The following PRDM16 variants were observed in gnomAD, a reference collection of about 807,000 sequenced individuals.
PRDM16 encodes the protein histone-lysine N-methyltransferase PRDM16.
A neutral mutation model predicts 110.6 loss-of-function variants in PRDM16; 23 were observed. The observed-to-expected ratio is 0.21, with a 90% CI of 0.15 to 0.29. PRDM16 has a LOEUF of 0.29. Ranked by LOEUF, PRDM16 falls within the 10% of genes least tolerant of loss-of-function variation. PRDM16 has a pLI of 1.00. For synonymous variants in PRDM16, 799 were observed against 781.8 expected, an observed-to-expected ratio of 1.02 and a Z score of -0.37; for missense variants, 1,615 against 1,794.3, an observed-to-expected ratio of 0.90 and a Z score of 1.81.
At chr1:3,200,400 T>C (rs921085595) in intron 2 of PRDM16, among the ~76,000 whole-genome samples, 8 of 152,276 alleles carry the variant, frequency 5.3e-5, no homozygotes, top group Middle Eastern at 3.4e-3. Context: ...TGGAGTGCAA[T>C]GGTGCTATCT....
rs142654920 is a variant in PRDM16 at position 3,252,760 on chromosome 1, C to T, written c.438+8623C>T. ...GACTGTGATCCCACAGCTGCGTGGA[C>T]CGTGGGGGTCCCAGCTGGGACCACT... On this transcript the variant is annotated intron_variant, in intron 3 of 16. Coordinates refer to ENST00000270722, the MANE Select transcript of PRDM16 (RefSeq NM_022114.4). Among the ~76,000 whole-genome samples, 27 of 152,238 alleles carry T rather than the reference C, an allele frequency of 1.8e-4. No individual in the cohort carries two copies. In the East Asian group the frequency reaches 5.2e-3, roughly 29 times the overall value.
rs548235122 is a variant in PRDM16, at chr1:3,124,468, T to C, written c.37+55172T>C. On this transcript the variant is annotated intron_variant, in intron 1 of 16. Coordinates refer to ENST00000270722, the MANE Select transcript of PRDM16 (RefSeq NM_022114.4). ...TGACCCACTGTCCAGGAACTGATCA[T>C]GGACAGGACAGAGGTGACAGCCCCA... is the stretch of plus-strand genomic sequence containing the variant. Among the ~76,000 whole-genome samples, 359 of 152,294 alleles carry C rather than the reference T, an allele frequency of 2.4e-3. 2 individuals are homozygous for C. The highest frequency in any genetic ancestry group is 8.2e-3 in the African/African-American group (340 of 41,564).
intron 12 of PRDM16, among the ~76,000 whole-genome samples, chr1:3,420,214 C>T (rs566898406): frequency 1.7e-4 from 26 of 152,310 alleles, no homozygotes; most frequent in African/African-American, 6.0e-4. Flanking sequence ...CTTTATCTGG[C>T]TCAAGGCAGG....
At chr1:3,389,582 A>G (rs963047095) in intron 4 of PRDM16, among the ~76,000 whole-genome samples, 2 of 152,192 alleles carry the variant, frequency 1.3e-5, no homozygotes, top group Non-Finnish European at 2.9e-5. Context: ...CAGAGGCCAC[A>G]TTGGGCCATG....
rs760220742 is a variant in PRDM16 at position 3,081,140 on chromosome 1, G to A, written c.37+11844G>A. 2.0e-5 allele frequency among the ~76,000 whole-genome samples: 3 copies of A among 152,176 alleles called. No homozygotes were observed. Among genetic ancestry groups the A allele is most frequent in the Non-Finnish European group, 4.4e-5 (3 of 68,036 alleles). On this transcript the variant is annotated intron_variant, in intron 1 of 16. Coordinates refer to ENST00000270722, the MANE Select transcript of PRDM16 (RefSeq NM_022114.4). The surrounding 1 kb of genome is among the most constrained non-coding windows in gnomAD (Gnocchi z 4.6). ...CCGGAGTCTTAACTTTCCCTCCGTC[G>A]AAGGTGTTAGTCTTACCTTCCCGAG... is the stretch of plus-strand genomic sequence containing the variant.
At chr1:3,152,298 C>T (rs1569700722) in intron 1 of PRDM16, among the ~76,000 whole-genome samples, 1 of 151,986 alleles carries the variant, frequency 6.6e-6, no homozygotes, top group East Asian at 1.9e-4. Flanking sequence ...CCATTTATCC[C>T]TCCTTTCATC....
At chr1:3,397,528 C>A (rs1036829433) in intron 5 of PRDM16, among the ~76,000 whole-genome samples, 8 of 152,268 alleles carry the variant, frequency 5.3e-5, no homozygotes, top group African/African-American at 1.9e-4. Context: ...GCAGTGAGGC[C>A]CTGGCCCGTC....
intron 7 of PRDM16, 77 bp from the exon 8 acceptor site, chr1:3,405,418 C>T (rs891992060): frequency 3.0e-5 from 44 of 1,449,208 alleles, no homozygotes; most frequent in Non-Finnish European, 3.8e-5. Flanking sequence ...CCCCCACAGC[C>T]GGTTGGTCCG....
chr1:3,074,853 G>C (rs2100554275), intron 1 of PRDM16, among the ~76,000 whole-genome samples: 1 of 152,356 alleles, frequency 6.6e-6, no homozygotes, highest in African/African-American at 2.4e-5. Context: ...CTGCCCTGTT[G>C]GTCTGAGCTG....
At chr1:3,113,921 G>A (rs1642853664) in intron 1 of PRDM16, among the ~76,000 whole-genome samples, 1 of 152,234 alleles carries the variant, frequency 6.6e-6, no homozygotes, top group South Asian at 2.1e-4. Context: ...GTTTCATTTT[G>A]AGGGAGAATT....
At chr1:3,304,794 G>A (rs1297370617) in intron 3 of PRDM16, among the ~76,000 whole-genome samples, 1 of 152,170 alleles carries the variant, frequency 6.6e-6, no homozygotes, top group Non-Finnish European at 1.5e-5. Context: ...GCAGGAGGTG[G>A]TCTCAGGACA....
At position 3,412,270 on chromosome 1, in the gene PRDM16, C is replaced by G. The variant is rs754263794; in HGVS notation, c.2073C>G (p.Asp691Glu). 4 of 1,613,396 alleles carry G rather than the reference C, an allele frequency of 2.5e-6. No individual in the cohort carries two copies. In the South Asian group the frequency reaches 4.4e-5, roughly 18 times the overall value. The change falls in exon 9 of 17, where the codon GAC (aspartate) becomes GAG (glutamate). Residue 691 changes from aspartate (D) to glutamate (E), a missense_variant. Transcript: ENST00000270722. Reference protein sequence around the residue: ...QLLTATGAAGDSIKAIASIAE... With the variant: ...QLLTATGAAGESIKAIASIAE... The stretch of plus-strand genomic sequence containing the variant: ...TGACTGCAACGGGCGCCGCCGGGGA[C>G]TCCATCAAGGCCATCGCATCCATTG...
In PRDM16 at chr1:3,114,479, G is replaced by T. The variant is rs571463994; in HGVS notation, c.37+45183G>T. Among the ~76,000 whole-genome samples the T allele has an allele frequency of 3.5e-4, 47 of 133,578 alleles. 1 individual carries two copies. Among genetic ancestry groups the T allele is most frequent in the Admixed American group, 2.9e-3 (39 of 13,508 alleles). 87.6% of individuals were successfully genotyped at this position (133,578 alleles called of 152,430 possible). On this transcript the variant is annotated intron_variant, in intron 1 of 16. Coordinates refer to ENST00000270722, the MANE Select transcript of PRDM16 (RefSeq NM_022114.4). Reference sequence around the variant, plus strand: ...CACACGCACACACGCAGTGTAAACAGACACGCACGCACGCACACACGCGCA... The same window carrying T: ...CACACGCACACACGCAGTGTAAACATACACGCACGCACGCACACACGCGCA...
chr1:3,188,927 A>G (rs1341283210), intron 2 of PRDM16, among the ~76,000 whole-genome samples: 1 of 152,180 alleles, frequency 6.6e-6, no homozygotes, highest in Non-Finnish European at 1.5e-5. Flanking sequence ...CAGCCACCTC[A>G]GTTGGGGCCT....
intron 1 of PRDM16, among the ~76,000 whole-genome samples, chr1:3,072,570 G>T (rs1286010116): frequency 1.3e-5 from 2 of 152,206 alleles, no homozygotes; most frequent in Non-Finnish European, 2.9e-5. Flanking sequence ...CAGGGTAGAG[G>T]TAAGCGGGGC....
intron 10 of PRDM16, among the ~76,000 whole-genome samples, chr1:3,417,503 T>C (rs1409030174): frequency 6.6e-6 from 1 of 152,266 alleles, no homozygotes; most frequent in East Asian, 1.9e-4. Context: ...TAAGGGGTAA[T>C]CATAAACATC....
At chr1:3,161,780 G>A (rs756860199) in intron 1 of PRDM16, among the ~76,000 whole-genome samples, 2 of 152,244 alleles carry the variant, frequency 1.3e-5, no homozygotes, top group Non-Finnish European at 2.9e-5. Context: ...TCCTAAGCAG[G>A]CCCATGCCAG....
intron 1 of PRDM16, among the ~76,000 whole-genome samples, chr1:3,112,644 G>A (rs1642823636): frequency 6.6e-6 from 1 of 152,224 alleles, no homozygotes; most frequent in African/African-American, 2.4e-5. Context: ...CTCCATCGCT[G>A]GTGCCCTGGC....
chr1:3,078,733 G>GGAAC (rs1641953352), intron 1 of PRDM16, among the ~76,000 whole-genome samples: 1 of 152,250 alleles, frequency 6.6e-6, no homozygotes, highest in Non-Finnish European at 1.5e-5. Context: ...GCATACGTGA[G>GGAAC]GAACGGGCTC....
Sources: allele counts gnomAD v4.1 joint callset (sites outside exome capture counted in the v4.1 genomes callset), GRCh38; gene constraint gnomAD v4.1.1; non-coding constraint Gnocchi (gnomAD v3.1); transcripts MANE v1.5; gene names NCBI Gene and HGNC (gene_info 2026-07-23, HGNC 2026-07-21).